Variants in GTF2F2 observed in about 807,000 individuals in gnomAD.
GTF2F2 encodes the protein general transcription factor IIF subunit 2.
Under a neutral mutation model 42.2 loss-of-function variants are expected in GTF2F2, and 23 were observed. The observed-to-expected ratio is 0.55, with a 90% CI of 0.39 to 0.77. The LOEUF (loss-of-function observed/expected upper bound fraction) is 0.77. GTF2F2 is among the 30% of genes least tolerant of loss of function. The pLI is 0.00. For missense variants in GTF2F2, 261 were observed against 287.2 expected, an observed-to-expected ratio of 0.91 and a Z score of 0.66; for synonymous variants, 105 against 100.8, an observed-to-expected ratio of 1.04 and a Z score of -0.25.
intron 4 of GTF2F2, among the ~76,000 whole-genome samples, chr13:45,183,223 G>T (rs2138158767): frequency 6.6e-6 from 1 of 152,224 alleles, no homozygotes; most frequent in South Asian, 2.1e-4. Context: ...AAATAATAGT[G>T]TTAATACTAC....
At chr13:45,204,307 G>A (rs1318486092) in intron 4 of GTF2F2, among the ~76,000 whole-genome samples, 1 of 152,152 alleles carries the variant, frequency 6.6e-6, no homozygotes, top group Non-Finnish European at 1.5e-5. Context: ...TACGCTCCTT[G>A]AGGGTAGGAG....
intron 4 of GTF2F2, chr13:45,193,609 C>G (rs1348668235): frequency 1.0e-5 from 6 of 580,642 alleles, no homozygotes. Flanking sequence ...TAGGAACACC[C>G]CAGAGGAAGG....
At chr13:45,164,547 A>G (rs1404908169) in intron 4 of GTF2F2, among the ~76,000 whole-genome samples, 1 of 152,194 alleles carries the variant, frequency 6.6e-6, no homozygotes, top group Non-Finnish European at 1.5e-5. Context: ...AGCCTGGACA[A>G]AAGAGTGAAA....
intron 5 of GTF2F2, among the ~76,000 whole-genome samples, chr13:45,224,558 T>C (rs1874249666): frequency 6.6e-6 from 1 of 152,206 alleles, no homozygotes; most frequent in Non-Finnish European, 1.5e-5. Flanking sequence ...ATAGAAAATA[T>C]GTAGAATATC....
chr13:45,215,801 T>G (rs1319023431), intron 5 of GTF2F2, among the ~76,000 whole-genome samples: 1 of 150,614 alleles, frequency 6.6e-6, no homozygotes, highest in Non-Finnish European at 1.5e-5. Flanking sequence ...TAAGAAAGAC[T>G]CCTTAGGGAA....
chr13:45,127,938 CTTTTTTTTTT>C (rs1161627204), intron 1 of GTF2F2, among the ~76,000 whole-genome samples: 608 of 48,614 alleles, frequency 0.013, 9 homozygotes, highest in African/African-American at 0.048. Flanking sequence ...GCACCCCGGC[CTTTTTTTTTT>C]TTTTTTTTTT....
At chr13:45,211,373 T>G (rs1376076440) in intron 5 of GTF2F2, among the ~76,000 whole-genome samples, 1 of 143,746 alleles carries the variant, frequency 7.0e-6, no homozygotes, top group Non-Finnish European at 1.6e-5. Flanking sequence ...AAATTTTTTT[T>G]GTTTTTTTTT....
intron 5 of GTF2F2, among the ~76,000 whole-genome samples, chr13:45,216,808 C>T (rs923642463): frequency 2.6e-5 from 4 of 151,858 alleles, no homozygotes; most frequent in South Asian, 2.1e-4. Context: ...CATGAACCAC[C>T]GCGCCGGCCC....
intron 6 of GTF2F2, among the ~76,000 whole-genome samples, chr13:45,255,754 T>G (rs1876077745): frequency 6.6e-6 from 1 of 152,236 alleles, no homozygotes; most frequent in Non-Finnish European, 1.5e-5. Flanking sequence ...GTGCTGCTTC[T>G]GTAGCTCCTG....
chr13:45,207,646 A>C, intron 5 of GTF2F2, 141 bp downstream of exon 5: 1 of 565,982 alleles, frequency 1.8e-6, no homozygotes, highest in Non-Finnish European at 3.2e-6. Flanking sequence ...TTTTAAAAGC[A>C]AGTAAGAGTT....
chr13:45,199,937 T>C (rs951826360), intron 4 of GTF2F2, among the ~76,000 whole-genome samples: 1 of 152,280 alleles, frequency 6.6e-6, no homozygotes, highest in African/African-American at 2.4e-5. Context: ...ATGTGATGGC[T>C]CAAGGGAGCA....
intron 4 of GTF2F2, among the ~76,000 whole-genome samples, chr13:45,174,619 A>T (rs1324000100): frequency 7.2e-6 from 1 of 138,888 alleles, no homozygotes. Flanking sequence ...TTCATGGAGC[A>T]CTGTTTTCTT....
chr13:45,155,110 T>C (rs1870688824), intron 4 of GTF2F2, among the ~76,000 whole-genome samples: 1 of 152,202 alleles, frequency 6.6e-6, no homozygotes, highest in Admixed American at 6.5e-5. Flanking sequence ...TGCGTTCTTT[T>C]CTATAGGATG....
At position 45,221,565 on chromosome 13, in the gene GTF2F2, T is replaced by C. The variant is rs1280908748; in HGVS notation, c.386+14060T>C. Among the ~76,000 whole-genome samples, 3 of 152,134 alleles carry C rather than the reference T, an allele frequency of 2.0e-5. No homozygotes were observed. In the East Asian group the frequency reaches 5.8e-4, roughly 29 times the overall value. On this transcript the variant is annotated intron_variant, in intron 5 of 7. Transcript: ENST00000340473. ...AAATCAAGCTCAGGGCCCTTCCAAGTGGGGTCCCAGTATGACTGCACAGGC... is the reference window on the plus strand; with the variant it reads ...AAATCAAGCTCAGGGCCCTTCCAAGCGGGGTCCCAGTATGACTGCACAGGC...
At position 45,191,227 on chromosome 13, in the gene GTF2F2, ATATATATATATAT is replaced by A. The variant is rs1872631481; in HGVS notation, c.305-16196_305-16184del. 2.7e-4 allele frequency among the ~76,000 whole-genome samples: 31 copies of A among 116,096 alleles called. No individual in the cohort carries two copies. In the South Asian group the frequency reaches 7.0e-3, roughly 26 times the overall value. The allele number at this position is 116,096 out of a possible 152,430, so 76.2% of individuals were successfully genotyped here. The stretch of plus-strand genomic sequence containing the variant: ...TCTACTAAAAATACAAAAAAAAAAT[ATATATATATATAT>A]ATATATATATATATAGCCATAATCT... On this transcript the variant is annotated intron_variant, in intron 4 of 7. Transcript: ENST00000340473.
intron 7 of GTF2F2, among the ~76,000 whole-genome samples, chr13:45,274,861 C>T (rs1278840067): frequency 2.0e-5 from 3 of 151,758 alleles, no homozygotes; most frequent in African/African-American, 7.3e-5. Context: ...GTAGTGAGCC[C>T]AGATCGTGCC....
intron 4 of GTF2F2, among the ~76,000 whole-genome samples, chr13:45,191,897 C>T (rs1318192246): frequency 6.6e-6 from 1 of 152,102 alleles, no homozygotes; most frequent in Non-Finnish European, 1.5e-5. Flanking sequence ...TGATAAAAAA[C>T]CTTACTTGTA....
At chr13:45,128,941 C>A (rs989044227) in intron 1 of GTF2F2, among the ~76,000 whole-genome samples, 1 of 152,096 alleles carries the variant, frequency 6.6e-6, no homozygotes, top group Non-Finnish European at 1.5e-5. Flanking sequence ...ATTTGTTGTA[C>A]TGAATTTGAT....
intron 4 of GTF2F2, among the ~76,000 whole-genome samples, chr13:45,190,714 A>G (rs1872581641): frequency 6.6e-6 from 1 of 152,104 alleles, no homozygotes; most frequent in South Asian, 2.1e-4. Flanking sequence ...AAAAGTAAGT[A>G]ACATTTGAAG....
Sources: gnomAD v4.1 joint callset for allele counts (sites outside exome capture counted in the v4.1 genomes callset) on GRCh38, gnomAD v4.1.1 for gene constraint, MANE v1.5 for transcripts, NCBI Gene and HGNC (gene_info 2026-07-23, HGNC 2026-07-21) for gene names.